Variants in PPP2R5C observed in about 807,000 individuals in gnomAD.
The protein encoded by PPP2R5C is serine/threonine-protein phosphatase 2A 56 kDa regulatory subunit gamma isoform.
A neutral mutation model predicts 68.9 loss-of-function variants in PPP2R5C; 7 were observed. The ratio of observed to expected loss-of-function variants is 0.10; its 90% CI spans 0.06 to 0.19. The LOEUF is 0.19. PPP2R5C is among the 10% of genes least tolerant of loss of function. The pLI is 1.00. For synonymous variants in PPP2R5C, 210 were observed against 222.2 expected, an observed-to-expected ratio of 0.95 and a Z score of 0.49; for missense variants, 348 against 641.3, an observed-to-expected ratio of 0.54 and a Z score of 4.94.
intron 1 of PPP2R5C, among the ~76,000 whole-genome samples, chr14:101,855,941 G>C (rs1382990045): frequency 6.6e-6 from 1 of 152,188 alleles, no homozygotes; most frequent in Non-Finnish European, 1.5e-5. Flanking sequence ...TCTGGCCCAG[G>C]TAAGCACTCA....
At chr14:101,761,677 A>ACGCCGC (rs1382018631), upstream of PPP2R5C, 4 of 192,916 alleles carry the variant, frequency 2.1e-5, no homozygotes, top group Admixed American at 7.6e-5. Flanking sequence ...GGGCGGAGAG[A>ACGCCGC]CGCCGCCGCT....
chr14:101,781,004 A>G lies in PPP2R5C; in HGVS notation c.94-5014A>G, dbSNP rs2037654843. 6.6e-6 allele frequency among the ~76,000 whole-genome samples: 1 copy of G among 152,176 alleles called. No individual in the cohort carries two copies. Among genetic ancestry groups the G allele is most frequent in the Admixed American group, 6.5e-5 (1 of 15,286 alleles). On this transcript the variant is annotated intron_variant, in intron 2 of 14. Coordinates refer to the PPP2R5C transcript ENST00000328724. The surrounding 1 kb of genome is among the most constrained non-coding windows in gnomAD (Gnocchi z 6.4). Reference sequence around the variant, plus strand: ...TTGCTTTCCTCTCTGTAAGCTAAGGATGCGCCAGCTCGGCCTGAACCATGG... The same window carrying G: ...TTGCTTTCCTCTCTGTAAGCTAAGGGTGCGCCAGCTCGGCCTGAACCATGG...
intron 5 of PPP2R5C, among the ~76,000 whole-genome samples, chr14:101,886,388 T>C (rs2044515308): frequency 6.6e-6 from 1 of 152,248 alleles, no homozygotes; most frequent in Non-Finnish European, 1.5e-5. Context: ...TTACTTGAGT[T>C]CTCACTAAAG....
intron 1 of PPP2R5C, among the ~76,000 whole-genome samples, chr14:101,838,534 C>G (rs562842182): frequency 6.6e-6 from 1 of 152,190 alleles, no homozygotes; most frequent in Non-Finnish European, 1.5e-5. Flanking sequence ...TATGTTGTAA[C>G]GAGCAGGCGG....
intron 9 of PPP2R5C, among the ~76,000 whole-genome samples, chr14:101,903,597 C>T (rs1192733707): frequency 6.6e-6 from 1 of 152,232 alleles, no homozygotes; most frequent in African/African-American, 2.4e-5. Context: ...GCTTCTGCTT[C>T]TTAGAGGACC....
chr14:101,784,511 G>GGGA (rs1259083103), intron 2 of PPP2R5C, among the ~76,000 whole-genome samples: 33 of 135,926 alleles, frequency 2.4e-4, no homozygotes, highest in African/African-American at 9.2e-4. Context: ...GAGAGAAAGT[G>GGGA]GGGGGGGGGA....
upstream of PPP2R5C, among the ~76,000 whole-genome samples, chr14:101,806,908 G>A (rs950493554): frequency 2.8e-4 from 43 of 152,318 alleles, no homozygotes; most frequent in African/African-American, 8.7e-4. Flanking sequence ...GCTGCAGTGA[G>A]CAGAGATCAT....
At chr14:101,784,122 G>C (rs2037972995) in intron 2 of PPP2R5C, among the ~76,000 whole-genome samples, 1 of 152,222 alleles carries the variant, frequency 6.6e-6, no homozygotes, top group South Asian at 2.1e-4. Flanking sequence ...CCAGGTCAGA[G>C]GCTGCCTGCT....
At chr14:101,908,891 G>A (rs954233135) in intron 10 of PPP2R5C, among the ~76,000 whole-genome samples, 3 of 152,212 alleles carry the variant, frequency 2.0e-5, no homozygotes, top group African/African-American at 7.2e-5. Context: ...ATTATGATTT[G>A]AGGGTTACGT....
chr14:101,905,278 C>G (rs1255493056), intron 9 of PPP2R5C, among the ~76,000 whole-genome samples: 2 of 152,192 alleles, frequency 1.3e-5, no homozygotes, highest in Non-Finnish European at 2.9e-5. Flanking sequence ...CGCTTGAACC[C>G]AGGAGGCAGA....
At chr14:101,812,031 ACTT>A (rs1313145358) in intron 1 of PPP2R5C, among the ~76,000 whole-genome samples, 1 of 152,222 alleles carries the variant, frequency 6.6e-6, no homozygotes. Context: ...CCTAAGACTA[ACTT>A]CTGACTCAAA....
intron 1 of PPP2R5C, chr14:101,824,110 A>C: frequency 7.8e-7 from 1 of 1,288,786 alleles, no homozygotes; most frequent in Non-Finnish European, 1.0e-6. Context: ...GAGCTCGCAC[A>C]TCCCGAGAGA....
upstream of PPP2R5C, among the ~76,000 whole-genome samples, chr14:101,807,735 T>C (rs2140170078): frequency 6.6e-6 from 1 of 152,000 alleles, no homozygotes; most frequent in East Asian, 1.9e-4. Context: ...CTTACATGCA[T>C]AGGGTTTCAA....
chr14:101,808,196 C>A (rs1402671786), upstream of PPP2R5C, among the ~76,000 whole-genome samples: 1 of 151,586 alleles, frequency 6.6e-6, no homozygotes, highest in Non-Finnish European at 1.5e-5. Flanking sequence ...AGACAGACAA[C>A]CCACAGGTCA....
intron 1 of PPP2R5C, among the ~76,000 whole-genome samples, chr14:101,821,926 G>A (rs1296800984): frequency 1.3e-5 from 2 of 152,030 alleles, no homozygotes; most frequent in African/African-American, 2.4e-5. Context: ...CCAAGCTGCT[G>A]GAAATGTGGA....
At chr14:101,914,843 A>G (rs917369834) in intron 12 of PPP2R5C, among the ~76,000 whole-genome samples, 2 of 152,220 alleles carry the variant, frequency 1.3e-5, no homozygotes, top group Non-Finnish European at 2.9e-5. Context: ...AAGGGGCCAT[A>G]TAATATTTTA....
chr14:101,814,551 A>G (rs1467361412), intron 1 of PPP2R5C, among the ~76,000 whole-genome samples: 1 of 152,242 alleles, frequency 6.6e-6, no homozygotes, highest in Non-Finnish European at 1.5e-5. Context: ...TCTCAGAGGC[A>G]AAAACAAAAG....
At chr14:101,924,224 TAA>T (rs1278612535) in intron 13 of PPP2R5C, among the ~76,000 whole-genome samples, 5 of 152,148 alleles carry the variant, frequency 3.3e-5, no homozygotes, top group Non-Finnish European at 7.4e-5. Flanking sequence ...CTCTCCAAAT[TAA>T]GTTTCCCTTT....
At chr14:101,914,683 C>T (rs1434878672) in intron 12 of PPP2R5C, 1 of 155,326 alleles carries the variant, frequency 6.4e-6, no homozygotes, top group African/African-American at 2.4e-5. Context: ...GTTGGGGACC[C>T]GGGAAGGCTG....
Sources: gnomAD v4.1 joint callset for allele counts (sites outside exome capture counted in the v4.1 genomes callset) on GRCh38, gnomAD v4.1.1 for gene constraint, Gnocchi (gnomAD v3.1) non-coding constraint, MANE v1.5 for transcripts, NCBI Gene and HGNC (gene_info 2026-07-23, HGNC 2026-07-21) for gene names.